The following PARG variants were observed in gnomAD, a reference collection of about 807,000 sequenced individuals.
The protein encoded by PARG is mitochondrial poly(ADP-ribose) glycohydrolase.
Under a neutral mutation model 113.0 loss-of-function variants are expected in PARG, and 35 were observed. The observed-to-expected ratio is 0.31, with a 90% CI of 0.24 to 0.41. The LOEUF (loss-of-function observed/expected upper bound fraction) is 0.41, where lower values mean the gene tolerates loss of function less well. Ranked by LOEUF, PARG falls within the 10% of genes least tolerant of loss-of-function variation. The pLI is 1.00. For synonymous variants in PARG, 330 were observed against 409.9 expected, an observed-to-expected ratio of 0.81 and a Z score of 2.36; for missense variants, 797 against 1,169.4, an observed-to-expected ratio of 0.68 and a Z score of 4.64.
chr10:49,912,910 A>C (rs1837280044), intron 7 of PARG, among the ~76,000 whole-genome samples: 2 of 152,228 alleles, frequency 1.3e-5, no homozygotes, highest in Non-Finnish European at 2.9e-5. Flanking sequence ...TTGAGGCTGC[A>C]GTGAGCTGTG....
At chr10:49,837,629 T>TAA (rs1554831372) in intron 15 of PARG, among the ~76,000 whole-genome samples, 1 of 152,206 alleles carries the variant, frequency 6.6e-6, no homozygotes, top group Non-Finnish European at 1.5e-5. Flanking sequence ...CTAGAAGGCC[T>TAA]AAAGTTGTTT....
chr10:49,834,821 C>G (rs1402644696), intron 15 of PARG, among the ~76,000 whole-genome samples: 1 of 152,074 alleles, frequency 6.6e-6, no homozygotes, highest in East Asian at 1.9e-4. Flanking sequence ...GCCTGGGTGA[C>G]AGTGAACTCT....
intron 13 of PARG, among the ~76,000 whole-genome samples, chr10:49,853,316 G>T (rs1341750132): frequency 3.3e-5 from 5 of 151,822 alleles, no homozygotes; most frequent in Admixed American, 3.3e-4. Context: ...GATTACAGGC[G>T]TGAGCCACTG....
At chr10:49,891,621 ATATT>A (rs1252852569) in intron 7 of PARG, among the ~76,000 whole-genome samples, 5 of 43,288 alleles carry the variant, frequency 1.2e-4, no homozygotes, top group African/African-American at 4.8e-4. Flanking sequence ...ATATATATAT[ATATT>A]TTTTTTTTTT....
In PARG at chr10:49,885,171, G is replaced by C. The variant is rs548704672; in HGVS notation, c.1830+32C>G. 3.5e-6 allele frequency: 4 copies of C among 1,145,852 alleles called. No homozygotes were observed. In the South Asian group the frequency reaches 3.7e-5, roughly 11 times the overall value. The allele number at this position is 1,145,852 out of a possible 1,614,324, so 71.0% of individuals were successfully genotyped here. On this transcript the variant is annotated intron_variant, in intron 8 of 17. Transcript: ENST00000616448. ...AAGGGAAATTCAATTGGCAGTCTCAGGGAAGCTACTGAGGAAGCTACATCC... is the reference window on the plus strand; with the variant it reads ...AAGGGAAATTCAATTGGCAGTCTCACGGAAGCTACTGAGGAAGCTACATCC...
At chr10:49,891,590 C>CATATATATAT (rs1211471476) in intron 7 of PARG, among the ~76,000 whole-genome samples, 18 of 48,620 alleles carry the variant, frequency 3.7e-4, no homozygotes, top group African/African-American at 1.3e-3. Context: ...TCCTATGGTC[C>CATATATATAT]ATATATATAT....
chr10:49,923,195 G>A (rs1400431501), intron 4 of PARG, among the ~76,000 whole-genome samples: 6 of 151,628 alleles, frequency 4.0e-5, no homozygotes, highest in Non-Finnish European at 5.9e-5. Flanking sequence ...ACTACCAATT[G>A]CCACCTCCCC....
intron 13 of PARG, among the ~76,000 whole-genome samples, chr10:49,845,447 T>C (rs1365811807): frequency 6.6e-6 from 1 of 152,180 alleles, no homozygotes; most frequent in Non-Finnish European, 1.5e-5. Context: ...TGGAGCTGAC[T>C]AGTCAGGTCC....
intron 13 of PARG, among the ~76,000 whole-genome samples, chr10:49,856,855 C>G (rs1846016541): frequency 6.6e-6 from 1 of 151,204 alleles, no homozygotes; most frequent in Admixed American, 6.6e-5. Context: ...ACTAAAAATA[C>G]AAAATTAGCC....
chr10:49,820,211 G>A lies in PARG; in HGVS notation c.2730C>T (p.Asp910=). The A allele has an allele frequency of 6.5e-7, 1 of 1,545,460 alleles. No homozygotes were observed. Among genetic ancestry groups the A allele is most frequent in the Non-Finnish European group, 8.8e-7 (1 of 1,141,314 alleles). ...TAAGGAAAATGTGCATGCTGTAAAT[G>A]TCTCTCATCAATTCTGAGTCCCCAA... ...FTFGDSELMR[D]IYSMHIFLTE... The change falls in exon 17 of 18, where the codon GAC becomes GAT. Residue 910 remains aspartate, a synonymous_variant. Transcript: ENST00000616448.
At chr10:49,885,683 C>T (rs1260107595) in intron 7 of PARG, among the ~76,000 whole-genome samples, 1 of 152,078 alleles carries the variant, frequency 6.6e-6, no homozygotes, top group Admixed American at 6.6e-5. Context: ...TGAGAAGCCC[C>T]CAAGGACCCA....
chr10:49,819,399 G>A lies in PARG; in HGVS notation c.2872C>T (p.His958Tyr), dbSNP rs985961874. 1.9e-6 allele frequency: 3 copies of A among 1,551,320 alleles called. No homozygotes were observed. The highest frequency in any genetic ancestry group is 2.7e-5 in the African/African-American group (2 of 73,012). The change falls in exon 18 of 18, where the codon CAT becomes TAT. Residue 958 changes from histidine (H) to tyrosine (Y), a missense_variant. His to Tyr is a moderately conservative substitution (Grantham distance 83). Coordinates refer to ENST00000616448, the MANE Select transcript of PARG (RefSeq NM_003631.5). The part of the protein sequence containing the change: ...PDIKLYPFIY[H>Y]AVESCAETAD... ...GTCTCTGCACAGGACTCGACAGCAT[G>A]GTATATGAATGGATAAAGCTTGATG...
chr10:49,915,708 TATAAC>T (rs538245802), intron 7 of PARG, among the ~76,000 whole-genome samples: 50 of 152,200 alleles, frequency 3.3e-4, no homozygotes, highest in Non-Finnish European at 5.7e-4. Context: ...GGTATGAAAA[TATAAC>T]AGAAAATGTG....
chr10:49,891,213 C>T (rs1257319017), intron 7 of PARG, among the ~76,000 whole-genome samples: 7 of 152,092 alleles, frequency 4.6e-5, no homozygotes, highest in Admixed American at 1.3e-4. Context: ...ACTCGGGAGG[C>T]GGAAGCAGGA....
At chr10:49,896,298 T>G (rs1848084069) in intron 7 of PARG, among the ~76,000 whole-genome samples, 1 of 152,208 alleles carries the variant, frequency 6.6e-6, no homozygotes, top group African/African-American at 2.4e-5. Context: ...GTTTTGTTTT[T>G]TTTCTGGAGA....
intron 17 of PARG, among the ~76,000 whole-genome samples, 152 bp downstream of exon 17, chr10:49,820,013 A>AATGCTGCCC (rs750915223): frequency 1.3e-5 from 2 of 152,206 alleles, no homozygotes; most frequent in Non-Finnish European, 2.9e-5. Flanking sequence ...AGACTCTGCA[A>AATGCTGCCC]ATGCTGCCCC....
chr10:49,835,666 G>A lies in PARG; in HGVS notation c.2542-2758C>T, dbSNP rs528339923. On this transcript the variant is annotated intron_variant, in intron 15 of 17. Transcript: ENST00000616448. ...ACGGAAAAGAGACCAAACAAAACTG[G>A]TATAAAGTCTACAGGCCCAAAATGA... 7.9e-5 allele frequency among the ~76,000 whole-genome samples: 12 copies of A among 152,104 alleles called. 1 individual carries two copies. The highest frequency in any genetic ancestry group is 2.9e-4 in the African/African-American group (12 of 41,508).
chr10:49,929,366 C>T (rs1838374428), intron 4 of PARG, among the ~76,000 whole-genome samples: 1 of 151,200 alleles, frequency 6.6e-6, no homozygotes, highest in Non-Finnish European at 1.5e-5. Flanking sequence ...TAGGAATTCA[C>T]CATATTCTAT....
chr10:49,938,284 C>T (rs1192898493), intron 1 of PARG, among the ~76,000 whole-genome samples: 2 of 152,154 alleles, frequency 1.3e-5, no homozygotes, highest in African/African-American at 4.8e-5. Flanking sequence ...TCACAAAGCA[C>T]TCAATATGTT....
Sources: allele counts gnomAD v4.1 joint callset (sites outside exome capture counted in the v4.1 genomes callset), GRCh38; gene constraint gnomAD v4.1.1; transcripts MANE v1.5; gene names NCBI Gene and HGNC (gene_info 2026-07-23, HGNC 2026-07-21).